UGGT2: variants seen among roughly 807,000 people sequenced by gnomAD.
UGGT2 encodes the protein UDP-glucose:glycoprotein glucosyltransferase 2.
Under a neutral mutation model 192.1 loss-of-function variants are expected in UGGT2, and 180 were observed. The observed-to-expected ratio is 0.94, with a 90% confidence interval of 0.83 to 1.06. The LOEUF (loss-of-function observed/expected upper bound fraction) is 1.06, where lower values mean the gene tolerates loss of function less well. Among genes scored for constraint, UGGT2 ranks in the 50% least tolerant of loss-of-function variants. UGGT2 has a pLI of 0.00. For missense variants in UGGT2, 1,849 were observed against 1,795.7 expected (o/e 1.03, Z -0.54); for synonymous variants, 580 against 591.0 (o/e 0.98, Z 0.27).
rs566657366 is a variant in UGGT2 at position 95,923,317 on chromosome 13, G to A, written c.2295+2363C>T. Among the ~76,000 whole-genome samples the A allele has an allele frequency of 2.6e-5, 4 of 151,028 alleles. No homozygotes were observed. The South Asian group carries it at 8.4e-4, about 32-fold the overall frequency. ...CATGCAAACTTCCCATCTCAGCCAC[G>A]TGATTAGCTGGGATTACAGGCACGA... On this transcript the variant is annotated intron_variant, in intron 20 of 38. Transcript: ENST00000376747.
At chr13:95,983,497 A>G (rs985407569) in intron 10 of UGGT2, 4 of 455,118 alleles carry the variant, frequency 8.8e-6, no homozygotes, top group Non-Finnish European at 1.7e-5. Context: ...CAAGCTTTTA[A>G]GCAAAACTAA....
chr13:95,905,546 A>C (rs2048259765), intron 20 of UGGT2, among the ~76,000 whole-genome samples: 1 of 151,632 alleles, frequency 6.6e-6, no homozygotes, highest in African/African-American at 2.4e-5. Flanking sequence ...CCATTTATTA[A>C]ATAGGGAATC....
chr13:95,877,365 C>CT lies in UGGT2; in HGVS notation c.3388-2dup, dbSNP rs1338096907. 1 of 1,598,312 alleles carries CT rather than the reference C, an allele frequency of 6.3e-7. No individual in the cohort carries two copies. Among genetic ancestry groups the CT allele is most frequent in the African/African-American group, 1.3e-5 (1 of 74,210 alleles). On this transcript the variant is annotated splice_acceptor_variant, in intron 28 of 38. Transcript: ENST00000376747. LOFTEE classifies it high-confidence loss of function. ...GGTTTGCTTTTAATTGAAAATACCC[C>CT]TTTTAAGATGAGAAAAAAATAATCA...
chr13:95,923,989 A>C (rs979368230), intron 20 of UGGT2, among the ~76,000 whole-genome samples: 3 of 152,212 alleles, frequency 2.0e-5, no homozygotes, highest in African/African-American at 7.2e-5. Flanking sequence ...ACTACAATGA[A>C]ATGATGATTT....
intron 20 of UGGT2, among the ~76,000 whole-genome samples, chr13:95,912,828 C>T (rs1185832735): frequency 3.3e-5 from 5 of 152,198 alleles, no homozygotes; most frequent in Non-Finnish European, 7.3e-5. Flanking sequence ...CGCTACCTGA[C>T]TTCAAACTAT....
intron 10 of UGGT2, among the ~76,000 whole-genome samples, chr13:95,973,953 T>C (rs775261124): frequency 6.6e-6 from 1 of 152,194 alleles, no homozygotes; most frequent in South Asian, 2.1e-4. Flanking sequence ...GGCAAATATA[T>C]TTAGGAGGAA....
rs549783916 is a variant in UGGT2 at position 95,906,959 on chromosome 13, C to T, written c.2296-3899G>A. 3.5e-4 allele frequency among the ~76,000 whole-genome samples: 54 copies of T among 152,268 alleles called. 1 individual carries two copies. The highest frequency in any genetic ancestry group is 3.4e-3 in the Middle Eastern group (1 of 294). On this transcript the variant is annotated intron_variant, in intron 20 of 38. Coordinates refer to ENST00000376747, the MANE Select transcript of UGGT2 (RefSeq NM_020121.4). ...AGTGGGTGCAGCCCAGGCAGGGCAT[C>T]GCCTCACCTGGAAAGCACAAGGGGT...
At chr13:95,843,890 A>G (rs1481589777) in intron 36 of UGGT2, among the ~76,000 whole-genome samples, 5 of 152,112 alleles carry the variant, frequency 3.3e-5, no homozygotes, top group Non-Finnish European at 7.4e-5. Context: ...GTCTTAAAAC[A>G]AGGTGGTATA....
At chr13:96,019,243 A>T (rs1040185242) in intron 4 of UGGT2, among the ~76,000 whole-genome samples, 5 of 151,894 alleles carry the variant, frequency 3.3e-5, no homozygotes, top group Non-Finnish European at 2.9e-5. Context: ...TTTCTGAGTC[A>T]AAGAGCTTGA....
chr13:95,815,490 T>A (rs902289670), intron 38 of UGGT2, among the ~76,000 whole-genome samples: 1 of 152,216 alleles, frequency 6.6e-6, no homozygotes, highest in African/African-American at 2.4e-5. Context: ...TATATTAGCA[T>A]TCAGTTATAA....
chr13:95,832,214 G>A (rs1886780392), intron 38 of UGGT2, among the ~76,000 whole-genome samples: 1 of 151,992 alleles, frequency 6.6e-6, no homozygotes. Flanking sequence ...TCTAGTGAAA[G>A]TCTCTAACAC....
chr13:95,882,953 G>GA (rs933698620), intron 27 of UGGT2, among the ~76,000 whole-genome samples: 3 of 152,016 alleles, frequency 2.0e-5, no homozygotes, highest in African/African-American at 4.8e-5. Context: ...ACTGATCATG[G>GA]AAAAAACAGC....
At position 95,926,855 on chromosome 13, in the gene UGGT2, G is replaced by A. The variant is rs78702707; in HGVS notation, c.2200+173C>T. On this transcript the variant is annotated intron_variant, in intron 19 of 38. Coordinates refer to ENST00000376747, the MANE Select transcript of UGGT2 (RefSeq NM_020121.4). Reference sequence around the variant, plus strand: ...TAAGATAAACAAAGTTAGAATAGAAGGCATTGTTTTCTCAGCACACGTTAA... The same window carrying A: ...TAAGATAAACAAAGTTAGAATAGAAAGCATTGTTTTCTCAGCACACGTTAA... Among the ~76,000 whole-genome samples, 40 of 152,084 alleles carry A rather than the reference G, an allele frequency of 2.6e-4. 1 individual carries two copies. In the East Asian group the frequency reaches 6.4e-3, roughly 24 times the overall value.
intron 1 of UGGT2, among the ~76,000 whole-genome samples, chr13:96,052,203 G>A (rs1318423698): frequency 6.6e-6 from 1 of 152,194 alleles, no homozygotes; most frequent in Non-Finnish European, 1.5e-5. Context: ...TATTCTAAGT[G>A]AAGTAAGTCA....
In UGGT2 at chr13:96,053,365, C is replaced by A. The variant is rs1479227064; in HGVS notation, c.-53G>T. 3 of 1,546,236 alleles carry A rather than the reference C, an allele frequency of 1.9e-6. No homozygotes were observed. The African/African-American group carries it at 4.2e-5, about 22-fold the overall frequency. ...CGGACCCGGTACCCACAGTCTGTGG[C>A]CGCCACGCTTCGGCCGGCTCTTCCC... On this transcript the variant is annotated 5_prime_UTR_variant, in exon 1 of 39. Transcript: ENST00000376747.
intron 12 of UGGT2, among the ~76,000 whole-genome samples, chr13:95,964,115 C>G (rs181295811): frequency 6.6e-6 from 1 of 152,244 alleles, no homozygotes; most frequent in East Asian, 1.9e-4. Flanking sequence ...GATATAAAGA[C>G]AGACACACAG....
chr13:95,973,158 G>A (rs948488984), intron 10 of UGGT2, among the ~76,000 whole-genome samples: 2 of 151,742 alleles, frequency 1.3e-5, no homozygotes, highest in African/African-American at 2.4e-5. Context: ...CAACAAGAAC[G>A]AAACTCCATC....
Position 95,976,785 on chromosome 13 carries a change from G to A in UGGT2, c.1093-4114C>T, listed in dbSNP as rs150990953. Among the ~76,000 whole-genome samples, 171 of 151,830 alleles carry A rather than the reference G, an allele frequency of 1.1e-3. 1 individual carries two copies. The highest frequency in any genetic ancestry group is 3.8e-3 in the African/African-American group (156 of 41,444). ...AAAACAACATAGCTGGAGGCATCAC[G>A]CTGACTTCAAACTATACTACAAGGC... is the stretch of plus-strand genomic sequence containing the variant. On this transcript the variant is annotated intron_variant, in intron 10 of 38. Transcript: ENST00000376747.
intron 8 of UGGT2, 77 bp downstream of exon 8, chr13:95,989,894 CAT>C: frequency 2.3e-6 from 2 of 870,186 alleles, no homozygotes; most frequent in Non-Finnish European, 3.5e-6. Context: ...TAATCTATAT[CAT>C]GTGATATATA....
Sources: gnomAD v4.1 joint callset for allele counts (sites outside exome capture counted in the v4.1 genomes callset) on GRCh38, gnomAD v4.1.1 for gene constraint, MANE v1.5 for transcripts, NCBI Gene and HGNC (gene_info 2026-07-23, HGNC 2026-07-21) for gene names.